Variants in ZBTB20 observed in about 807,000 individuals in gnomAD.
ZBTB20 encodes zinc finger and BTB domain-containing protein 20.
In ZBTB20, 9 loss-of-function variants were observed where a neutral mutation model predicts 56.9. That is an observed-to-expected ratio of 0.16 (90% CI 0.10 to 0.28). The LOEUF (loss-of-function observed/expected upper bound fraction) is 0.28, where lower values mean the gene tolerates loss of function less well. Among genes scored for constraint, ZBTB20 ranks in the 10% least tolerant of loss-of-function variants. ZBTB20 has a pLI of 1.00. For missense variants in ZBTB20, 655 were observed against 1,003.0 expected, an observed-to-expected ratio of 0.65 and a Z score of 4.69; for synonymous variants, 417 against 420.7, an observed-to-expected ratio of 0.99 and a Z score of 0.11.
chr3:114,984,216 C>T lies in ZBTB20; in HGVS notation c.-506-9800G>A, dbSNP rs531114409. ...TTTCAGTTATTGAGCCTGGCCCATT[C>T]CCAGTCCTAATCTTTTTCTTGTTAA... On this transcript the variant is annotated intron_variant, in intron 2 of 11. Coordinates refer to ENST00000675478, the MANE Select transcript of ZBTB20 (RefSeq NM_001348800.3). Among the ~76,000 whole-genome samples, 6 of 152,042 alleles carry T rather than the reference C, an allele frequency of 3.9e-5. No individual in the cohort carries two copies. The South Asian group carries it at 1.0e-3, about 26-fold the overall frequency.
chr3:114,727,586 A>C (rs2065400645), intron 5 of ZBTB20, among the ~76,000 whole-genome samples: 1 of 152,236 alleles, frequency 6.6e-6, no homozygotes, highest in African/African-American at 2.4e-5. Context: ...AGAAAGAGGA[A>C]ATGAAATGCT....
intron 7 of ZBTB20, among the ~76,000 whole-genome samples, chr3:114,464,036 C>T (rs1396785371): frequency 6.6e-6 from 1 of 152,188 alleles, no homozygotes; most frequent in Non-Finnish European, 1.5e-5. Flanking sequence ...TTCTGCTATG[C>T]ATCCTTAACT....
chr3:114,759,316 G>A (rs932841514), intron 5 of ZBTB20: 11 of 152,160 alleles, frequency 7.2e-5, no homozygotes, highest in Admixed American at 6.6e-4. Flanking sequence ...AGGGGATGGG[G>A]AGGGGTGTGG....
intron 3 of ZBTB20, among the ~76,000 whole-genome samples, chr3:114,939,684 A>G (rs2076663804): frequency 6.8e-6 from 1 of 146,396 alleles, no homozygotes; most frequent in African/African-American, 2.8e-5. Context: ...GAAGACAATA[A>G]AAATATCTGA....
Position 114,328,353 on chromosome 3 carries a change from T to C in ZBTB20, c.*10652A>G, listed in dbSNP as rs1204755713. 1.3e-5 allele frequency: 2 copies of C among 152,182 alleles called. No homozygotes were observed. The allele number at this position is 152,182 out of a possible 1,614,324, so 9.4% of individuals were successfully genotyped here. ...AGGCTTGAACAGTTATCAAAATTAT[T>C]TTGAAATGTTACTCTTTTCTTTAGA... On this transcript the variant is annotated 3_prime_UTR_variant, in exon 12 of 12. Coordinates refer to ENST00000675478, the MANE Select transcript of ZBTB20 (RefSeq NM_001348800.3).
intron 6 of ZBTB20, among the ~76,000 whole-genome samples, chr3:114,673,192 G>A (rs1370565837): frequency 6.6e-6 from 1 of 152,120 alleles, no homozygotes; most frequent in African/African-American, 2.4e-5. Flanking sequence ...CTTTCTTCCA[G>A]CTTTTCCCTG....
intron 1 of ZBTB20, among the ~76,000 whole-genome samples, chr3:115,074,096 ATTT>A (rs916662927): frequency 6.6e-6 from 1 of 152,050 alleles, no homozygotes; most frequent in African/African-American, 2.4e-5. Flanking sequence ...TAATCTAATT[ATTT>A]TCAGCCTCTT....
intron 5 of ZBTB20, among the ~76,000 whole-genome samples, chr3:114,746,202 C>A (rs550208294): frequency 5.3e-5 from 8 of 152,248 alleles, no homozygotes; most frequent in South Asian, 2.1e-4. Context: ...GCTTCTGTTA[C>A]CAGACTATCA....
At chr3:114,656,827 T>C (rs1193076246) in intron 6 of ZBTB20, among the ~76,000 whole-genome samples, 1 of 152,196 alleles carries the variant, frequency 6.6e-6, no homozygotes, top group African/African-American at 2.4e-5. Context: ...CACTGCAACC[T>C]CCACCTCCTG....
chr3:115,100,794 A>G (rs1161976779), intron 1 of ZBTB20, among the ~76,000 whole-genome samples: 1 of 152,226 alleles, frequency 6.6e-6, no homozygotes, highest in Non-Finnish European at 1.5e-5. Context: ...TTTATTTTTA[A>G]TGTGAGAAGA....
intron 7 of ZBTB20, among the ~76,000 whole-genome samples, chr3:114,430,182 A>C (rs1350911903): frequency 7.9e-5 from 12 of 152,202 alleles, no homozygotes; most frequent in Non-Finnish European, 1.5e-4. Context: ...CATTTCTCTT[A>C]AAAAGAAGAA....
rs111874357 is a variant in ZBTB20, at chr3:114,771,263, A to G, written c.-343+29838T>C. Among the ~76,000 whole-genome samples the G allele has an allele frequency of 2.6e-3, 403 of 152,320 alleles. 1 individual carries two copies. Among genetic ancestry groups the G allele is most frequent in the Non-Finnish European group, 4.7e-3 (318 of 68,018 alleles). On this transcript the variant is annotated intron_variant, in intron 5 of 11. Transcript: ENST00000675478. Reference sequence around the variant, plus strand: ...CAAAATGCTTCATGAATAACATAGTAGAACATACTTTGAGAAAAAAATATA... The same window carrying G: ...CAAAATGCTTCATGAATAACATAGTGGAACATACTTTGAGAAAAAAATATA...
chr3:114,817,832 G>C (rs946744861), intron 4 of ZBTB20, among the ~76,000 whole-genome samples: 3 of 151,950 alleles, frequency 2.0e-5, no homozygotes, highest in African/African-American at 7.2e-5. Flanking sequence ...CAAAATTAAA[G>C]AATTCCCAAA....
intron 4 of ZBTB20, among the ~76,000 whole-genome samples, chr3:114,805,391 G>C (rs1280942358): frequency 1.3e-5 from 2 of 151,932 alleles, no homozygotes; most frequent in East Asian, 1.9e-4. Context: ...GTGAAGACTA[G>C]TGGTCAGATA....
intron 7 of ZBTB20, among the ~76,000 whole-genome samples, chr3:114,401,080 C>CCACACACACACACACACACACA (rs1389084799): frequency 2.3e-5 from 1 of 43,738 alleles, no homozygotes; most frequent in African/African-American, 2.9e-4. Flanking sequence ...TGTCTACCTC[C>CCACACACACACACACACACACA]CAGACACACA....
intron 3 of ZBTB20, among the ~76,000 whole-genome samples, chr3:114,927,517 C>T (rs956323576): frequency 1.2e-4 from 18 of 152,068 alleles, no homozygotes; most frequent in African/African-American, 3.9e-4. Flanking sequence ...TACCTGGCCT[C>T]AAAAGTTTCA....
At chr3:114,883,131 A>G (rs1337240513) in intron 4 of ZBTB20, among the ~76,000 whole-genome samples, 1 of 152,204 alleles carries the variant, frequency 6.6e-6, no homozygotes, top group Non-Finnish European at 1.5e-5. Context: ...ATAATCCAAT[A>G]CAGAATGGTG....
intron 5 of ZBTB20, among the ~76,000 whole-genome samples, chr3:114,758,149 T>C (rs1315194377): frequency 8.5e-5 from 13 of 152,182 alleles, no homozygotes; most frequent in Non-Finnish European, 1.3e-4. Flanking sequence ...GATATATATA[T>C]TCTGGTAATG....
At chr3:114,801,552 T>C (rs529427078) in intron 4 of ZBTB20, among the ~76,000 whole-genome samples, 81 of 151,560 alleles carry the variant, frequency 5.3e-4, no homozygotes, top group Middle Eastern at 6.8e-3. Context: ...TTACAGAAAA[T>C]ATTAAGTTCA....
Sources: allele counts gnomAD v4.1 joint callset (sites outside exome capture counted in the v4.1 genomes callset), GRCh38; gene constraint gnomAD v4.1.1; transcripts MANE v1.5; gene names NCBI Gene and HGNC (gene_info 2026-07-23, HGNC 2026-07-21).